NLGN4X: variants seen among roughly 807,000 people sequenced by gnomAD.
NLGN4X encodes neuroligin 4 X-linked.
Under a neutral mutation model 40.3 loss-of-function variants are expected in NLGN4X, and 3 were observed. The observed-to-expected ratio is 0.07, with a 90% CI of 0.03 to 0.19. The LOEUF (loss-of-function observed/expected upper bound fraction) is 0.19, where lower values mean the gene tolerates loss of function less well. NLGN4X is among the 10% of genes least tolerant of loss of function. The probability of loss-of-function intolerance (pLI) is 1.00; values close to 1 mark genes in which losing one functional copy is unlikely to be tolerated. For missense variants in NLGN4X, 382 were observed against 708.3 expected (o/e 0.54, Z 5.23); for synonymous variants, 270 against 306.8 (o/e 0.88, Z 1.25).
intron 2 of NLGN4X, among the ~76,000 whole-genome samples, chrX:6,078,455 C>T (rs890032037): frequency 7.2e-5 from 8 of 111,478 alleles, no homozygotes; most frequent in African/African-American, 2.3e-4. Context: ...CTTCCACTTA[C>T]TTCTGACTTC....
Position 6,178,472 on chromosome X carries a change from T to C in NLGN4X, c.-305-26701A>G, listed in dbSNP as rs78737674. 3.9e-3 allele frequency among the ~76,000 whole-genome samples: 439 copies of C among 111,790 alleles called. 6 individuals are homozygous for C. In the East Asian group the frequency reaches 0.079, roughly 20 times the overall value. Reference sequence around the variant, plus strand: ...TGTAATCAGTGGACAAGGCAACCCCTGGGAAGCAAACCACAGTGATTTTCC... The same window carrying C: ...TGTAATCAGTGGACAAGGCAACCCCCGGGAAGCAAACCACAGTGATTTTCC... On this transcript the variant is annotated intron_variant, in intron 1 of 5. Coordinates refer to ENST00000381095, the MANE Select transcript of NLGN4X (RefSeq NM_181332.3).
chrX:6,201,957 T>A (rs1380112818), intron 1 of NLGN4X, among the ~76,000 whole-genome samples: 1 of 111,263 alleles, frequency 9.0e-6, no homozygotes, highest in Non-Finnish European at 1.9e-5. Flanking sequence ...GAGGAGTGAT[T>A]CGAGGATGGA....
At chrX:5,975,345 A>T (rs2035142002) in intron 3 of NLGN4X, among the ~76,000 whole-genome samples, 1 of 111,272 alleles carries the variant, frequency 9.0e-6, no homozygotes, top group African/African-American at 3.3e-5. Context: ...GCGTGGTGAC[A>T]TGTACCTGTA....
At position 5,909,290 on chromosome X, in the gene NLGN4X, C is replaced by T. The variant is rs139034847; in HGVS notation, c.626-51G>A. 447 of 1,143,608 alleles carry T rather than the reference C, an allele frequency of 3.9e-4. 3 individuals are homozygous for T. The East Asian group carries it at 7.6e-3, about 19-fold the overall frequency. The allele number at this position is 1,143,608 out of a possible 1,213,427, so 94.2% of individuals were successfully genotyped here. On this transcript the variant is annotated intron_variant, in intron 3 of 5. Transcript: ENST00000381095. ...GGTGGCCAAATAGAAAAAGTGCATA[C>T]GTGTCTCTGCTATTTGAAAAGATAT...
intron 3 of NLGN4X, among the ~76,000 whole-genome samples, chrX:6,021,051 TCCCTCCCTCCCTCCCTCCCTCC>T (rs1569190138): frequency 1.8e-3 from 41 of 23,361 alleles, no homozygotes; most frequent in Admixed American, 3.2e-3. Flanking sequence ...TCTCTCTCCC[TCCCTCCCTCCCTCCCTCCCTCC>T]CTCCCTCTCT....
intron 3 of NLGN4X, among the ~76,000 whole-genome samples, chrX:5,918,996 G>A (rs757215350): frequency 3.8e-4 from 43 of 112,325 alleles, no homozygotes; most frequent in Non-Finnish European, 6.7e-4. Context: ...TGTCCCAGTG[G>A]TGCTTGGAAG....
At position 5,903,196 on chromosome X, in the gene NLGN4X, G is replaced by C. The variant is rs146227486; in HGVS notation, c.1482C>G (p.Pro494=). 1.7e-5 allele frequency: 20 copies of C among 1,210,590 alleles called. No individual in the cohort carries two copies. The highest frequency in any genetic ancestry group is 2.3e-4 in the Middle Eastern group (1 of 4,373). The change falls in exon 5 of 6, where the codon CCC becomes CCG. Residue 494 remains proline, a synonymous_variant. Coordinates refer to ENST00000381095, the MANE Select transcript of NLGN4X (RefSeq NM_181332.3). ...CGATCATGGGGATGCCGAAGACATAGGGGACCTCATCACCATGGGCCGAAT... is the reference window on the plus strand; with the variant it reads ...CGATCATGGGGATGCCGAAGACATACGGGACCTCATCACCATGGGCCGAAT... The part of the protein sequence containing the change: ...WADSAHGDEV[P]YVFGIPMIGP...
intron 3 of NLGN4X, among the ~76,000 whole-genome samples, chrX:5,941,865 TTG>T (rs1320283807): frequency 1.8e-5 from 2 of 112,054 alleles, no homozygotes; most frequent in African/African-American, 6.5e-5. Flanking sequence ...GTAGAGTGGG[TTG>T]ATTTCAAGGA....
At chrX:6,179,647 C>A (rs754279047) in intron 1 of NLGN4X, among the ~76,000 whole-genome samples, 1 of 112,051 alleles carries the variant, frequency 8.9e-6, no homozygotes, top group South Asian at 3.7e-4. Context: ...ATATGGTGTT[C>A]ACACCATATT....
intron 3 of NLGN4X, among the ~76,000 whole-genome samples, chrX:5,928,225 C>T (rs1164443115): frequency 8.9e-6 from 1 of 112,564 alleles, no homozygotes; most frequent in Non-Finnish European, 1.9e-5. Context: ...AGATCCTAGG[C>T]TTATCTTCCA....
intron 3 of NLGN4X, among the ~76,000 whole-genome samples, chrX:5,942,868 A>G (rs955946507): frequency 9.0e-6 from 1 of 111,246 alleles, no homozygotes; most frequent in African/African-American, 3.3e-5. Flanking sequence ...ATTAGTTTAT[A>G]GACAGGAATG....
chrX:6,018,236 C>T (rs182201268), intron 3 of NLGN4X, among the ~76,000 whole-genome samples: 56 of 111,139 alleles, frequency 5.0e-4, no homozygotes, highest in Middle Eastern at 4.7e-3. Flanking sequence ...CACATATATG[C>T]GCTATATATG....
rs1358584277 is a variant in NLGN4X, at chrX:6,072,037, T to A, written c.473-42605A>T. On this transcript the variant is annotated intron_variant, in intron 2 of 5. Transcript: ENST00000381095. ...CGGGTTCTTTTTTATTTTCCTTTTT[T>A]TTCCCATGAGCTAGGCTGTGGTCCA... Among the ~76,000 whole-genome samples the A allele has an allele frequency of 2.7e-5, 3 of 110,812 alleles. No individual in the cohort carries two copies. The East Asian group carries it at 8.6e-4, about 32-fold the overall frequency.
chrX:6,141,399 T>C (rs918230771), intron 2 of NLGN4X, among the ~76,000 whole-genome samples: 5 of 112,022 alleles, frequency 4.5e-5, no homozygotes, highest in African/African-American at 1.6e-4. Context: ...ACTAATCTTA[T>C]CTCTTTTATA....
At chrX:5,985,532 T>C (rs2035508494) in intron 3 of NLGN4X, among the ~76,000 whole-genome samples, 1 of 111,642 alleles carries the variant, frequency 9.0e-6, no homozygotes, top group Non-Finnish European at 1.9e-5. Context: ...AAAGTGATCC[T>C]CCTGCCTTGG....
intron 3 of NLGN4X, among the ~76,000 whole-genome samples, chrX:5,933,964 A>T: frequency 8.9e-6 from 1 of 111,778 alleles, no homozygotes; most frequent in African/African-American, 3.2e-5. Context: ...TGATATGGAA[A>T]TCCTAATAGC....
chrX:6,016,608 C>G (rs990260139), intron 3 of NLGN4X, among the ~76,000 whole-genome samples: 4 of 111,377 alleles, frequency 3.6e-5, no homozygotes, highest in Non-Finnish European at 7.5e-5. Context: ...CCTATCGATT[C>G]GGCTCCTATA....
At chrX:5,982,931 A>G (rs992509104) in intron 3 of NLGN4X, among the ~76,000 whole-genome samples, 13 of 112,603 alleles carry the variant, frequency 1.2e-4, no homozygotes, top group East Asian at 5.6e-4. Context: ...TGATCCAGCT[A>G]GATGCCCAGC....
At chrX:6,179,449 G>A (rs372112139) in intron 1 of NLGN4X, among the ~76,000 whole-genome samples, 1 of 112,135 alleles carries the variant, frequency 8.9e-6, no homozygotes, top group South Asian at 3.7e-4. Flanking sequence ...AACCTGCTCC[G>A]ATGAGTGTTA....
Sources: gnomAD v4.1 joint callset for allele counts (sites outside exome capture counted in the v4.1 genomes callset) on GRCh38, gnomAD v4.1.1 for gene constraint, MANE v1.5 for transcripts, NCBI Gene and HGNC (gene_info 2026-07-23, HGNC 2026-07-21) for gene names.